Variants in PTPRM observed in about 807,000 individuals in gnomAD.
PTPRM encodes protein tyrosine phosphatase receptor type M, also known as receptor-type tyrosine-protein phosphatase mu.
Under a neutral mutation model 186.7 loss-of-function variants are expected in PTPRM, and 47 were observed. The ratio of observed to expected loss-of-function variants is 0.25; its 90% CI spans 0.20 to 0.32. The LOEUF (loss-of-function observed/expected upper bound fraction) is 0.32. Among genes scored for constraint, PTPRM ranks in the 10% least tolerant of loss-of-function variants. The probability of loss-of-function intolerance (pLI) is 1.00; values close to 1 mark genes in which losing one functional copy is unlikely to be tolerated. For missense variants in PTPRM, 1,494 were observed against 1,865.0 expected, an observed-to-expected ratio of 0.80 and a Z score of 3.66; for synonymous variants, 668 against 674.9, an observed-to-expected ratio of 0.99 and a Z score of 0.16.
chr18:8,297,733 T>C (rs906617984), intron 20 of PTPRM, among the ~76,000 whole-genome samples: 1 of 151,948 alleles, frequency 6.6e-6, no homozygotes, highest in Non-Finnish European at 1.5e-5. Flanking sequence ...GGGGGTAGAG[T>C]GGAGCTTACA....
intron 14 of PTPRM, among the ~76,000 whole-genome samples, chr18:8,222,253 C>T (rs1239371644): frequency 6.6e-6 from 1 of 152,196 alleles, no homozygotes; most frequent in Non-Finnish European, 1.5e-5. Flanking sequence ...AGACACCTTT[C>T]ATGGGTATCC....
At chr18:8,185,748 G>T (rs2093633836) in intron 14 of PTPRM, among the ~76,000 whole-genome samples, 1 of 152,228 alleles carries the variant, frequency 6.6e-6, no homozygotes, top group Admixed American at 6.5e-5. Context: ...ATGGAATAGA[G>T]TGTGAAAATC....
At chr18:8,155,159 T>G (rs148423574) in intron 14 of PTPRM, 1 of 152,314 alleles carries the variant, frequency 6.6e-6, no homozygotes, top group East Asian at 1.9e-4. Flanking sequence ...TTAGATATAT[T>G]TGTATAAATG....
intron 1 of PTPRM, among the ~76,000 whole-genome samples, chr18:7,742,532 A>C (rs2040903740): frequency 6.6e-6 from 1 of 152,286 alleles, no homozygotes; most frequent in Admixed American, 6.5e-5. Flanking sequence ...TCAGAAGTGC[A>C]GTTTTATCTT....
intron 11 of PTPRM, among the ~76,000 whole-genome samples, chr18:8,091,533 C>T (rs962084363): frequency 1.3e-5 from 2 of 151,480 alleles, no homozygotes; most frequent in Non-Finnish European, 2.9e-5. Flanking sequence ...ATGGGTAAAT[C>T]GTGTTGGCAC....
At chr18:7,793,899 C>T (rs1015504483) in intron 2 of PTPRM, among the ~76,000 whole-genome samples, 5 of 152,088 alleles carry the variant, frequency 3.3e-5, no homozygotes, top group African/African-American at 1.2e-4. Context: ...TGGAGGAAGA[C>T]ATAAGGGGCT....
intron 7 of PTPRM, among the ~76,000 whole-genome samples, chr18:8,034,136 C>A (rs564075091): frequency 2.0e-5 from 3 of 152,124 alleles, no homozygotes; most frequent in South Asian, 4.2e-4. Flanking sequence ...ACATTAATTA[C>A]CTGTGTAAAG....
chr18:8,239,777 T>C (rs2147243083), intron 14 of PTPRM, among the ~76,000 whole-genome samples: 1 of 152,346 alleles, frequency 6.6e-6, no homozygotes, highest in African/African-American at 2.4e-5. Context: ...GAAAAAGTTA[T>C]GACTTCCAAA....
chr18:7,604,782 A>G (rs930760424), intron 1 of PTPRM, among the ~76,000 whole-genome samples: 1 of 152,236 alleles, frequency 6.6e-6, no homozygotes, highest in African/African-American at 2.4e-5. Flanking sequence ...ATACTTCCTC[A>G]GAAATACAGA....
chr18:8,186,837 T>G (rs1018792036), intron 14 of PTPRM, among the ~76,000 whole-genome samples: 1 of 152,232 alleles, frequency 6.6e-6, no homozygotes, highest in South Asian at 2.1e-4. Flanking sequence ...AATGTACAAA[T>G]GCACTGTGAC....
intron 1 of PTPRM, among the ~76,000 whole-genome samples, chr18:7,767,549 A>T (rs538525812): frequency 6.6e-6 from 1 of 152,254 alleles, no homozygotes; most frequent in South Asian, 2.1e-4. Flanking sequence ...ATAGCTTATG[A>T]CTTAATGATT....
rs372370069 is a variant in PTPRM at position 8,252,511 on chromosome 18, G to A, written c.2566+12G>A. On this transcript the variant is annotated intron_variant, in intron 18 of 32. Transcript: ENST00000580170. ...AGTGCCAATAAATGGTAAGTTCCCC[G>A]ATTCGCCCCATGGAAGAGTTGTGGA... The A allele has an allele frequency of 4.4e-5, 68 of 1,545,854 alleles. No individual in the cohort carries two copies. The highest frequency in any genetic ancestry group is 4.4e-4 in the African/African-American group (32 of 73,270).
chr18:8,199,350 G>T (rs1213881231), intron 14 of PTPRM, among the ~76,000 whole-genome samples: 2 of 152,134 alleles, frequency 1.3e-5, no homozygotes, highest in South Asian at 2.1e-4. Context: ...CAGAGCCTGC[G>T]CTCCTCACTC....
At chr18:8,030,848 A>T (rs2085918426) in intron 7 of PTPRM, among the ~76,000 whole-genome samples, 1 of 152,238 alleles carries the variant, frequency 6.6e-6, no homozygotes, top group South Asian at 2.1e-4. Flanking sequence ...TATATGTTTT[A>T]TATAAAAAAT....
intron 7 of PTPRM, among the ~76,000 whole-genome samples, chr18:7,978,923 A>C (rs2055143729): frequency 6.6e-6 from 1 of 152,172 alleles, no homozygotes; most frequent in Non-Finnish European, 1.5e-5. Flanking sequence ...ACCTTTAAAA[A>C]ACAGTGCTTC....
intron 2 of PTPRM, among the ~76,000 whole-genome samples, chr18:7,856,328 A>G (rs1343357890): frequency 6.6e-6 from 1 of 152,242 alleles, no homozygotes; most frequent in East Asian, 1.9e-4. Flanking sequence ...GAATGCAACT[A>G]TGATAGCAGT....
chr18:8,122,588 A>C (rs781213241), intron 13 of PTPRM, among the ~76,000 whole-genome samples: 2 of 152,360 alleles, frequency 1.3e-5, no homozygotes, highest in Admixed American at 6.5e-5. Context: ...GTTATATAGA[A>C]ATGAAATTTG....
Position 8,126,765 on chromosome 18 carries a change from T to G in PTPRM, c.2167+11938T>G, listed in dbSNP as rs548287785. Among the ~76,000 whole-genome samples, 7 of 152,216 alleles carry G rather than the reference T, an allele frequency of 4.6e-5. No homozygotes were observed. The East Asian group carries it at 1.4e-3, about 29-fold the overall frequency. Reference sequence around the variant, plus strand: ...GTAGCAAGGAGGACAGTATATGGCTTGAAGATGGTGGGATTGTTTACTGAA... The same window carrying G: ...GTAGCAAGGAGGACAGTATATGGCTGGAAGATGGTGGGATTGTTTACTGAA... On this transcript the variant is annotated intron_variant, in intron 13 of 32. Transcript: ENST00000580170.
intron 11 of PTPRM, among the ~76,000 whole-genome samples, chr18:8,101,890 A>G (rs1241225464): frequency 6.6e-6 from 1 of 152,158 alleles, no homozygotes; most frequent in East Asian, 1.9e-4. Flanking sequence ...GCAGACGTGG[A>G]CTATTCTGCA....
Sources: gnomAD v4.1 joint callset for allele counts (sites outside exome capture counted in the v4.1 genomes callset) on GRCh38, gnomAD v4.1.1 for gene constraint, MANE v1.5 for transcripts, NCBI Gene and HGNC (gene_info 2026-07-23, HGNC 2026-07-21) for gene names.